Variants in HESX1 observed in about 807,000 individuals in gnomAD.
HESX1 encodes HESX homeobox 1, also known as homeobox expressed in ES cells 1.
HESX1 carries 11 observed loss-of-function variants against 22.5 expected under a neutral mutation model. The observed-to-expected ratio is 0.49, with a 90% CI of 0.31 to 0.81. The LOEUF is 0.81. Ranked by LOEUF, HESX1 falls within the 30% of genes least tolerant of loss-of-function variation. The pLI, the probability that HESX1 is intolerant of heterozygous loss-of-function variation, is 0.05. For synonymous variants in HESX1, 74 were observed against 76.5 expected (o/e 0.97, Z 0.17); for missense variants, 201 against 212.6 (o/e 0.95, Z 0.34).
chr3:57,202,089 T>C (rs1355410325), upstream of HESX1, among the ~76,000 whole-genome samples: 1 of 151,616 alleles, frequency 6.6e-6, no homozygotes, highest in Non-Finnish European at 1.5e-5. Flanking sequence ...TGGCTAATTT[T>C]TTTGTATTTT....
intron 1 of HESX1, among the ~76,000 whole-genome samples, chr3:57,210,827 T>C (rs1420804772): frequency 6.6e-6 from 1 of 152,212 alleles, no homozygotes; most frequent in Non-Finnish European, 1.5e-5. Context: ...TTCTCTGAAC[T>C]ACATGTGTAT....
chr3:57,206,703 G>C lies in HESX1; in HGVS notation c.-110-6675C>G, dbSNP rs541637639. ...GATATTAATCCTCAGACTAGCAGTA[G>C]GTGGGGCTGAAGACTCCTCTTGGTT... On this transcript the variant is annotated intron_variant, in intron 1 of 2. Coordinates refer to the HESX1 transcript ENST00000495160. Among the ~76,000 whole-genome samples, 5 of 152,316 alleles carry C rather than the reference G, an allele frequency of 3.3e-5. No individual in the cohort carries two copies. In the East Asian group the frequency reaches 9.6e-4, roughly 29 times the overall value.
chr3:57,201,889 A>G (rs201486895), upstream of HESX1, among the ~76,000 whole-genome samples: 4 of 147,912 alleles, frequency 2.7e-5, no homozygotes. Flanking sequence ...CTATCTATCT[A>G]TCTATCTATC....
chr3:57,204,491 G>A (rs1323883805), upstream of HESX1, among the ~76,000 whole-genome samples: 1 of 152,250 alleles, frequency 6.6e-6, no homozygotes, highest in African/African-American at 2.4e-5. Flanking sequence ...CATTTACTGG[G>A]ATGTGAAAGC....
At chr3:57,204,763 C>A (rs2107571762), upstream of HESX1, among the ~76,000 whole-genome samples, 1 of 149,568 alleles carries the variant, frequency 6.7e-6, no homozygotes, top group African/African-American at 2.5e-5. Flanking sequence ...CATGCCACTG[C>A]ACTTCAGCCT....
intron 1 of HESX1, among the ~76,000 whole-genome samples, chr3:57,215,845 G>A (rs1475869161): frequency 2.0e-5 from 3 of 152,120 alleles, no homozygotes; most frequent in African/African-American, 7.2e-5. Flanking sequence ...AATGTATCAT[G>A]TTCAACGGTC....
intron 1 of HESX1, among the ~76,000 whole-genome samples, chr3:57,215,251 T>C (rs2060576611): frequency 6.6e-6 from 1 of 152,164 alleles, no homozygotes; most frequent in Non-Finnish European, 1.5e-5. Context: ...TCTAAAAGGT[T>C]GTAATCAAAT....
chr3:57,214,491 C>G (rs2060573257), intron 1 of HESX1, among the ~76,000 whole-genome samples: 1 of 152,172 alleles, frequency 6.6e-6, no homozygotes, highest in South Asian at 2.1e-4. Flanking sequence ...GGTCTAAATT[C>G]CAGCTCTTCT....
At chr3:57,205,194 G>A (rs966764004) in intron 1 of HESX1, among the ~76,000 whole-genome samples, 1 of 152,066 alleles carries the variant, frequency 6.6e-6, no homozygotes, top group African/African-American at 2.4e-5. Flanking sequence ...GGATCACTTG[G>A]TGCCAGGAGT....
intron 1 of HESX1, among the ~76,000 whole-genome samples, chr3:57,209,942 G>A (rs2060543480): frequency 6.6e-6 from 1 of 152,122 alleles, no homozygotes; most frequent in Non-Finnish European, 1.5e-5. Context: ...AACAGAAATT[G>A]AGAGTACAGT....
At chr3:57,212,480 A>C (rs925291244) in intron 1 of HESX1, among the ~76,000 whole-genome samples, 1 of 144,142 alleles carries the variant, frequency 6.9e-6, no homozygotes, top group Admixed American at 7.6e-5. Context: ...AATCCCTTGA[A>C]CCAGGTAGGT....
At chr3:57,221,914 T>C (rs989802786) in intron 1 of HESX1, among the ~76,000 whole-genome samples, 2 of 152,224 alleles carry the variant, frequency 1.3e-5, no homozygotes, top group South Asian at 2.1e-4. Context: ...CAATATGCTA[T>C]ACTTCTAATA....
intron 1 of HESX1, among the ~76,000 whole-genome samples, chr3:57,217,348 C>T (rs1244417067): frequency 2.0e-5 from 3 of 152,188 alleles, no homozygotes; most frequent in Non-Finnish European, 4.4e-5. Context: ...TCCAATCCAG[C>T]ACCAGAGGGT....
upstream of HESX1, among the ~76,000 whole-genome samples, chr3:57,200,733 G>A (rs1003693733): frequency 1.3e-5 from 2 of 152,168 alleles, no homozygotes; most frequent in African/African-American, 2.4e-5. Context: ...TTAGAAGCAT[G>A]ACTACTTAAA....
chr3:57,200,258 A>G (rs2060478274), upstream of HESX1, among the ~76,000 whole-genome samples: 1 of 152,268 alleles, frequency 6.6e-6, no homozygotes, highest in Admixed American at 6.5e-5. Flanking sequence ...TGTGGCACTT[A>G]TCTTTTATTT....
chr3:57,215,623 C>G (rs1450197203), intron 1 of HESX1, among the ~76,000 whole-genome samples: 1 of 152,064 alleles, frequency 6.6e-6, no homozygotes, highest in Non-Finnish European at 1.5e-5. Context: ...AAAAATTAGC[C>G]AGGTGTGGTG....
chr3:57,201,400 A>G (rs557871751), upstream of HESX1, among the ~76,000 whole-genome samples: 4 of 152,032 alleles, frequency 2.6e-5, no homozygotes, highest in East Asian at 7.7e-4. Context: ...TTAATCTGGG[A>G]CGACTAGGAG....
At chr3:57,211,546 A>AAAAAAAAAAAAAAAAC (rs2060554051) in intron 1 of HESX1, among the ~76,000 whole-genome samples, 1 of 147,168 alleles carries the variant, frequency 6.8e-6, no homozygotes, top group South Asian at 2.2e-4. Flanking sequence ...AAAAAAAAAA[A>AAAAAAAAAAAAAAAAC]AAAAAGCCAG....
chr3:57,209,671 CAAAAAA>C (rs71088042), intron 1 of HESX1, among the ~76,000 whole-genome samples: 1 of 82,142 alleles, frequency 1.2e-5, no homozygotes. Flanking sequence ...AGCTCCATCT[CAAAAAA>C]AAAAAAAAAA....
Sources: gnomAD v4.1 joint callset for allele counts (sites outside exome capture counted in the v4.1 genomes callset) on GRCh38, gnomAD v4.1.1 for gene constraint, MANE v1.5 for transcripts, NCBI Gene and HGNC (gene_info 2026-07-23, HGNC 2026-07-21) for gene names.